UBQLNL: variants seen among roughly 807,000 people sequenced by gnomAD.
UBQLNL encodes ubiquilin-like protein.
For synonymous variants in UBQLNL, 223 were observed against 209.7 expected (o/e 1.06, Z -0.55); for missense variants, 589 against 567.1 (o/e 1.04, Z -0.39).
In UBQLNL at chr11:5,514,795, T is replaced by C. The variant is rs1290720014; in HGVS notation, c.*219A>G. 5.1e-6 allele frequency: 3 copies of C among 585,744 alleles called. No individual in the cohort carries two copies. The highest frequency in any genetic ancestry group is 9.1e-6 in the Non-Finnish European group (3 of 330,724). The allele number at this position is 585,744 out of a possible 1,614,324, so 36.3% of individuals were successfully genotyped here. A position where few individuals can be genotyped will look rare whatever the true frequency, so the allele number is the denominator to read the frequency against. ...GGGGATTGTAGCCTCTGCAGGACTG[T>C]TCCAGGCTTGTGGCAGCACTCAGGT... On this transcript the variant is annotated 3_prime_UTR_variant, in exon 1 of 1. Transcript: ENST00000380184.
At position 5,515,184 on chromosome 11, in the gene UBQLNL, G is replaced by A. The variant is rs553222911; in HGVS notation, c.1228C>T (p.Gln410Ter). 3 of 1,614,208 alleles carry A rather than the reference G, an allele frequency of 1.9e-6. No homozygotes were observed. In the African/African-American group the frequency reaches 4.0e-5, roughly 22 times the overall value. ...CCTCCTGTGATCTGGGAGCTGCTCT[G>A]CTCATCTGACAGCTGGAGATCACCC... The change falls in exon 2 of 2, where the codon CAG (glutamine) becomes TAG (stop). Residue 410 changes from glutamine to a stop codon, truncating the protein, a stop_gained. Coordinates refer to the UBQLNL transcript ENST00000673910. LOFTEE classifies it low-confidence loss of function (END_TRUNC).
rs571492409 is a variant in UBQLNL at position 5,516,188 on chromosome 11, A to C, written c.254T>G (p.Leu85Arg). 3.8e-5 allele frequency: 61 copies of C among 1,614,054 alleles called. No homozygotes were observed. The highest frequency in any genetic ancestry group is 5.0e-5 in the Non-Finnish European group (59 of 1,180,042). ...MGCLLKDHDT[L>R]SQRGIMDGHT... is the part of the protein sequence containing the mutation. ...GCCATCCATGATGCCCCTCTGGCTC[A>C]GTGTGTCATGGTCTTTGAGAAGGCA... Residue 85 changes from leucine to arginine, a missense_variant, in exon 1 of 1, where the codon CTG becomes CGG. Physicochemically the swap from Leu to Arg is moderately radical, Grantham distance 102. Coordinates refer to ENST00000380184, the MANE Select transcript of UBQLNL (RefSeq NM_145053.5).
At position 5,516,327 on chromosome 11, in the gene UBQLNL, C is replaced by T; in HGVS notation, c.115G>A (p.Gly39Ser). ...SATRVIVKTA[G>S]NQKDFMVADD... The stretch of plus-strand genomic sequence containing the variant: ...GCTACCATAAAGTCTTTCTGGTTGC[C>T]TGCAGTCTTCACTATCACTCGAGTG... Residue 39 changes from glycine to serine, a missense_variant, in exon 1 of 1, where the codon GGC (glycine) becomes AGC (serine). Gly to Ser is a moderately conservative substitution (Grantham distance 56). Transcript: ENST00000380184. 6.2e-7 allele frequency: 1 copy of T among 1,614,162 alleles called. No individual in the cohort carries two copies. The highest frequency in any genetic ancestry group is 8.5e-7 in the Non-Finnish European group (1 of 1,180,018).
Position 5,515,315 on chromosome 11 carries a change from T to C in UBQLNL, c.1127A>G (p.Gln376Arg). 6.2e-7 allele frequency: 1 copy of C among 1,614,242 alleles called. No individual in the cohort carries two copies. Among genetic ancestry groups the C allele is most frequent in the Non-Finnish European group, 8.5e-7 (1 of 1,180,042 alleles). ...KGQSHICATR[Q>R]PAWIPALPSI... ...AGGTAAGGCTGGTATCCAAGCTGGC[T>C]GCCGAGTGGCACAGATATGGCTCTG... Residue 376 changes from glutamine (Q) to arginine (R), a missense_variant, in exon 1 of 1, where the codon CAG becomes CGG. Coordinates refer to ENST00000380184, the MANE Select transcript of UBQLNL (RefSeq NM_145053.5).
Position 5,516,457 on chromosome 11 carries a change from G to T in UBQLNL, c.-16C>A, listed in dbSNP as rs2133830907. 1.2e-6 allele frequency: 2 copies of T among 1,604,992 alleles called. No homozygotes were observed. Among genetic ancestry groups the T allele is most frequent in the East Asian group, 4.5e-5 (2 of 44,642 alleles). ...CATGCCACATGGGCTTTAGTGGGTG[G>T]GCAGATGGGGAGCAGGTGGAAGCTG... On this transcript the variant is annotated 5_prime_UTR_variant, in exon 1 of 1. Coordinates refer to ENST00000380184, the MANE Select transcript of UBQLNL (RefSeq NM_145053.5).
Position 5,515,498 on chromosome 11 carries a change from G to C in UBQLNL, c.944C>G (p.Pro315Arg), listed in dbSNP as rs1357244317. ...GAGCTGGTCTTGTTGTTCCTGTGAT[G>C]GTGGTGGAGGTGGGGGTGAAGACTG... ...QVQSSPPPPP[P>R]SQEQQDQLTQ... Residue 315 changes from proline (P) to arginine (R), a missense_variant, in exon 1 of 1, where the codon CCA (proline) becomes CGA (arginine). By Grantham distance (103) the Pro-to-Arg change is moderately radical (BLOSUM62 -2). Coordinates refer to ENST00000380184, the MANE Select transcript of UBQLNL (RefSeq NM_145053.5). 1 of 1,614,144 alleles carries C rather than the reference G, an allele frequency of 6.2e-7. No homozygotes were observed. The highest frequency in any genetic ancestry group is 8.5e-7 in the Non-Finnish European group (1 of 1,180,012).
chr11:5,515,524 G>C lies in UBQLNL; in HGVS notation c.918C>G (p.Val306=). The C allele has an allele frequency of 6.2e-7, 1 of 1,614,056 alleles. No individual in the cohort carries two copies. The highest frequency in any genetic ancestry group is 1.1e-5 in the South Asian group (1 of 91,066). Residue 306 remains valine (V), a synonymous_variant, in exon 1 of 1, where the codon GTC becomes GTG. Transcript: ENST00000380184. ...GTGGTGGAGGTGGGGGTGAAGACTG[G>C]ACTTGTTCTAGCACTTGTCCTGCCA... ...ALLAGQVLEQ[V]QSSPPPPPPS...
rs1223808038 is a variant in UBQLNL at position 5,515,763 on chromosome 11, CCA to C, written c.647_648del (p.Leu216ArgfsTer23). 6.2e-7 allele frequency: 1 copy of C among 1,614,058 alleles called. No homozygotes were observed. Among genetic ancestry groups the C allele is most frequent in the Admixed American group, 1.7e-5 (1 of 60,018 alleles). ...ATCATAGCAAGGTTCCTGGCCAGCTCCAGAGTCTGCAATAGGATCTCAGAATT... is the reference window on the plus strand; with the variant it reads ...ATCATAGCAAGGTTCCTGGCCAGCTCGAGTCTGCAATAGGATCTCAGAATT... On this transcript the variant is annotated frameshift_variant, in exon 2 of 2. Transcript: ENST00000673910. LOFTEE classifies it low-confidence loss of function (END_TRUNC).
rs1037922039 is a variant in UBQLNL, at chr11:5,515,613, T to C, written c.829A>G (p.Ile277Val). The C allele has an allele frequency of 1.9e-6, 3 of 1,614,036 alleles. No individual in the cohort carries two copies. The highest frequency in any genetic ancestry group is 1.3e-5 in the African/African-American group (1 of 74,920). Reference protein sequence around the residue: ...NNALGQNYADINDQMLNSMQD... With the variant: ...NNALGQNYADVNDQMLNSMQD... ...ATGCTGTTCAGCATTTGATCATTGATATCAGCATAGTTCTGACCCAGGGCA... is the reference window on the plus strand; with the variant it reads ...ATGCTGTTCAGCATTTGATCATTGACATCAGCATAGTTCTGACCCAGGGCA... Residue 277 changes from isoleucine to valine, a missense_variant, in exon 1 of 1, where the codon ATC becomes GTC. Ile to Val is a conservative substitution (Grantham distance 29). Coordinates refer to ENST00000380184, the MANE Select transcript of UBQLNL (RefSeq NM_145053.5).
rs1846536318 is a variant in UBQLNL at position 5,516,316 on chromosome 11, T to C, written c.126A>G (p.Lys42=). The C allele has an allele frequency of 5.0e-6, 8 of 1,614,182 alleles. 1 individual carries two copies. In the South Asian group the frequency reaches 7.7e-5, roughly 16 times the overall value. The change falls in exon 1 of 1, where the codon AAA becomes AAG. Residue 42 remains lysine (K), a synonymous_variant. Coordinates refer to ENST00000380184, the MANE Select transcript of UBQLNL (RefSeq NM_145053.5). ...RVIVKTAGNQ[K]DFMVADDISV... ...AGATGTCATCAGCTACCATAAAGTCTTTCTGGTTGCCTGCAGTCTTCACTA... is the reference window on the plus strand; with the variant it reads ...AGATGTCATCAGCTACCATAAAGTCCTTCTGGTTGCCTGCAGTCTTCACTA...
Position 5,514,906 on chromosome 11 carries a change from G to A in UBQLNL, c.*108C>T. 8.7e-7 allele frequency: 1 copy of A among 1,143,166 alleles called. No individual in the cohort carries two copies. Among genetic ancestry groups the A allele is most frequent in the South Asian group, 1.5e-5 (1 of 67,170 alleles). The allele number at this position is 1,143,166 out of a possible 1,614,324, so 70.8% of individuals were successfully genotyped here. ...CAGCTGGGGGCAGGAAGCCAACCCAGGCCCCATAGGTAGGGTGCAACCCAA... is the reference window on the plus strand; with the variant it reads ...CAGCTGGGGGCAGGAAGCCAACCCAAGCCCCATAGGTAGGGTGCAACCCAA... On this transcript the variant is annotated 3_prime_UTR_variant, in exon 1 of 1. Coordinates refer to ENST00000380184, the MANE Select transcript of UBQLNL (RefSeq NM_145053.5).
Position 5,514,883 on chromosome 11 carries a change from G to A in UBQLNL, c.*131C>T. The A allele has an allele frequency of 1.2e-6, 1 of 818,020 alleles. No individual in the cohort carries two copies. The highest frequency in any genetic ancestry group is 2.0e-6 in the Non-Finnish European group (1 of 511,932). The allele number at this position is 818,020 out of a possible 1,614,324, so 50.7% of individuals were successfully genotyped here. ...AGGGCACTGTGTCAGGATAGCTGCA[G>A]CTGGGGGCAGGAAGCCAACCCAGGC... On this transcript the variant is annotated 3_prime_UTR_variant, in exon 1 of 1. Transcript: ENST00000380184.
At position 5,516,511 on chromosome 11, in the gene UBQLNL, T is replaced by C; in HGVS notation, c.-70A>G. 2 of 1,351,970 alleles carry C rather than the reference T, an allele frequency of 1.5e-6. No homozygotes were observed. The highest frequency in any genetic ancestry group is 2.1e-6 in the Non-Finnish European group (2 of 961,680). The allele number at this position is 1,351,970 out of a possible 1,614,324, so 83.7% of individuals were successfully genotyped here. On this transcript the variant is annotated 5_prime_UTR_variant, in exon 1 of 1. Coordinates refer to ENST00000380184, the MANE Select transcript of UBQLNL (RefSeq NM_145053.5). The stretch of plus-strand genomic sequence containing the variant: ...CAGAAAGGGTGAGGGCAGACAAATG[T>C]TTCTGCTGGCCTTTGTCTCAGGTAT...
rs760102105 is a variant in UBQLNL at position 5,516,360 on chromosome 11, A to G, written c.82T>C (p.Ser28Pro). The G allele has an allele frequency of 6.2e-7, 1 of 1,614,000 alleles. No individual in the cohort carries two copies. Among genetic ancestry groups the G allele is most frequent in the Non-Finnish European group, 8.5e-7 (1 of 1,179,970 alleles). The change falls in exon 1 of 1, where the codon TCA becomes CCA. Residue 28 changes from serine to proline, a missense_variant. Physicochemically the swap from Ser to Pro is moderately conservative, Grantham distance 74. Coordinates refer to ENST00000380184, the MANE Select transcript of UBQLNL (RefSeq NM_145053.5). ...SGLLADKNIS[S>P]SATRVIVKTA... Reference sequence around the variant, plus strand: ...TTCACTATCACTCGAGTGGCACTTGAAGAGATATTTTTGTCTGCCAGCAGA... The same window carrying G: ...TTCACTATCACTCGAGTGGCACTTGGAGAGATATTTTTGTCTGCCAGCAGA...
Position 5,514,885 on chromosome 11 carries a change from TG to T in UBQLNL, c.*128del. On this transcript the variant is annotated 3_prime_UTR_variant, in exon 1 of 1. Coordinates refer to ENST00000380184, the MANE Select transcript of UBQLNL (RefSeq NM_145053.5). ...GGCACTGTGTCAGGATAGCTGCAGC[TG>T]GGGGCAGGAAGCCAACCCAGGCCCC... is the stretch of plus-strand genomic sequence containing the variant. The T allele has an allele frequency of 2.4e-6, 2 of 830,218 alleles. No individual in the cohort carries two copies. The highest frequency in any genetic ancestry group is 3.8e-6 in the Non-Finnish European group (2 of 522,612). The allele number at this position is 830,218 out of a possible 1,614,324, so 51.4% of individuals were successfully genotyped here.
Position 5,514,779 on chromosome 11 carries a change from A to G in UBQLNL, c.*235T>C. 1 of 521,258 alleles carries G rather than the reference A, an allele frequency of 1.9e-6. No homozygotes were observed. Among genetic ancestry groups the G allele is most frequent in the East Asian group, 3.0e-5 (1 of 33,042 alleles). 32.3% of individuals were successfully genotyped at this position (521,258 alleles called of 1,614,324 possible). A position where few individuals can be genotyped will look rare whatever the true frequency, so the allele number is the denominator to read the frequency against. ...GGAAGGGTCCCCATCCGGGGATTGT[A>G]GCCTCTGCAGGACTGTTCCAGGCTT... On this transcript the variant is annotated 3_prime_UTR_variant, in exon 1 of 1. Transcript: ENST00000380184.
In UBQLNL at chr11:5,515,698, A is replaced by G; in HGVS notation, c.744T>C (p.Leu248=). ...ATGGCTGTGGGTTCAGTGGATACTC[A>G]AGGTTTTGTGAAGGTTGTTGGATCT... is the stretch of plus-strand genomic sequence containing the variant. The part of the protein sequence containing the change: ...IMQIQQPSQN[L]EYPLNPQPYL... Residue 248 remains leucine, a synonymous_variant, in exon 1 of 1, where the codon CTT becomes CTC. Transcript: ENST00000380184. 6.2e-7 allele frequency: 1 copy of G among 1,614,118 alleles called. No individual in the cohort carries two copies. Among genetic ancestry groups the G allele is most frequent in the South Asian group, 1.1e-5 (1 of 91,082 alleles).
At position 5,516,362 on chromosome 11, in the gene UBQLNL, G is replaced by C. The variant is rs142657773; in HGVS notation, c.80C>G (p.Ser27Cys). 8.1e-5 allele frequency: 131 copies of C among 1,614,116 alleles called. No individual in the cohort carries two copies. In the East Asian group the frequency reaches 2.7e-3, roughly 33 times the overall value. ...PSGLLADKNI[S>C]SSATRVIVKT... ...CACTATCACTCGAGTGGCACTTGAA[G>C]AGATATTTTTGTCTGCCAGCAGACC... is the stretch of plus-strand genomic sequence containing the variant. Residue 27 changes from serine (S) to cysteine (C), a missense_variant, in exon 1 of 1, where the codon TCT (serine) becomes TGT (cysteine). By Grantham distance (112) the Ser-to-Cys change is moderately radical (BLOSUM62 -1). Transcript: ENST00000380184.
At position 5,516,426 on chromosome 11, in the gene UBQLNL, A is replaced by G; in HGVS notation, c.16T>C (p.Ser6Pro). MWHAISRTSRMSQSGC... is the reference protein window; with the variant it reads MWHAIPRTSRMSQSGC... ...CTCTGGGACATCCTGGATGTTCGAG[A>G]GATGGCATGCCACATGGGCTTTAGT... The change falls in exon 1 of 1, where the codon TCT becomes CCT. Residue 6 changes from serine (S) to proline (P), a missense_variant. By Grantham distance (74) the Ser-to-Pro change is moderately conservative. Transcript: ENST00000380184. 6.2e-7 allele frequency: 1 copy of G among 1,613,592 alleles called. No individual in the cohort carries two copies. The highest frequency in any genetic ancestry group is 8.5e-7 in the Non-Finnish European group (1 of 1,179,586).
Sources: allele counts gnomAD v4.1 joint callset, GRCh38; gene constraint gnomAD v4.1.1; transcripts MANE v1.5; gene names NCBI Gene and HGNC (gene_info 2026-07-23, HGNC 2026-07-21).